The following CD2AP variants were observed in gnomAD, a reference collection of about 807,000 sequenced individuals.
CD2AP encodes CD2-associated protein.
CD2AP carries 46 observed loss-of-function variants against 85.1 expected under a neutral mutation model. The ratio of observed to expected loss-of-function variants is 0.54; its 90% CI spans 0.43 to 0.69. CD2AP has a LOEUF of 0.69. Among genes scored for constraint, CD2AP ranks in the 30% least tolerant of loss-of-function variants. The pLI is 0.00. For synonymous variants in CD2AP, 255 were observed against 252.9 expected (o/e 1.01, Z -0.08); for missense variants, 769 against 729.5 (o/e 1.05, Z -0.62).
In CD2AP at chr6:47,544,651, A is replaced by G. The variant is rs1767318901; in HGVS notation, c.365A>G (p.Gln122Arg). The G allele has an allele frequency of 1.2e-6, 2 of 1,613,208 alleles. No individual in the cohort carries two copies. Among genetic ancestry groups the G allele is most frequent in the South Asian group, 1.1e-5 (1 of 91,058 alleles). Residue 122 changes from glutamine to arginine, a missense_variant, in exon 4 of 18, where the codon CAA (glutamine) becomes CGA (arginine). Coordinates refer to ENST00000359314, the MANE Select transcript of CD2AP (RefSeq NM_012120.3). ...QCKVLFEYIP[Q>R]NEDELELKVG... ...AAAGTTCTTTTTGAGTACATTCCAC[A>G]AAATGAGGATGAACTGGAGCTGAAA...
chr6:47,563,720 A>G (rs146178141), intron 5 of CD2AP, among the ~76,000 whole-genome samples: 5 of 152,278 alleles, frequency 3.3e-5, no homozygotes, highest in Admixed American at 2.6e-4. Flanking sequence ...TGTAAGTGCT[A>G]CATACTATAC....
At chr6:47,484,610 G>T (rs541170080) in intron 1 of CD2AP, among the ~76,000 whole-genome samples, 13 of 152,106 alleles carry the variant, frequency 8.5e-5, no homozygotes, top group Non-Finnish European at 1.6e-4. Flanking sequence ...CCTAGAACCT[G>T]TCCTTTCCAG....
intron 6 of CD2AP, 111 bp downstream of exon 6, chr6:47,574,362 A>G (rs999358581): frequency 2.9e-5 from 29 of 1,012,588 alleles, no homozygotes; most frequent in Non-Finnish European, 3.9e-5. Context: ...TCAGATCACT[A>G]ATAATTTGGT....
chr6:47,491,257 ATATGTGTGTGTG>A (rs750933489), intron 1 of CD2AP, among the ~76,000 whole-genome samples: 3,205 of 130,758 alleles, frequency 0.025, 44 homozygotes, highest in Non-Finnish European at 0.035. Flanking sequence ...TTTCTTCCTG[ATATGTGTGTGTG>A]TATGTGTGTG....
At chr6:47,586,046 A>G (rs559047057) in intron 11 of CD2AP, among the ~76,000 whole-genome samples, 10 of 152,338 alleles carry the variant, frequency 6.6e-5, no homozygotes, top group African/African-American at 2.4e-4. Flanking sequence ...TAGAAAGAGC[A>G]AGAAAATAGC....
At chr6:47,624,107 C>A in intron 17 of CD2AP, 79 bp from the exon 18 acceptor site, 1 of 1,122,776 alleles carries the variant, frequency 8.9e-7, no homozygotes, top group Non-Finnish European at 1.3e-6. Context: ...AGTATGATCA[C>A]ATCTTAATGA....
chr6:47,505,791 G>A (rs1260429467), intron 2 of CD2AP, among the ~76,000 whole-genome samples: 9 of 101,298 alleles, frequency 8.9e-5, no homozygotes, highest in Non-Finnish European at 2.2e-5. Context: ...GCGGCTGGCC[G>A]GGCGGGGGGC....
chr6:47,569,229 A>T (rs1768082593), intron 5 of CD2AP, among the ~76,000 whole-genome samples: 1 of 152,128 alleles, frequency 6.6e-6, no homozygotes, highest in African/African-American at 2.4e-5. Flanking sequence ...CAAGTAGGAG[A>T]GCAGTTGAAG....
At chr6:47,600,225 A>G (rs1350714438) in intron 13 of CD2AP, among the ~76,000 whole-genome samples, 1 of 151,922 alleles carries the variant, frequency 6.6e-6, no homozygotes, top group Non-Finnish European at 1.5e-5. Flanking sequence ...AAAGTAAGCT[A>G]CAGACACATT....
At chr6:47,624,043 T>C in intron 17 of CD2AP, 143 bp from the exon 18 acceptor site, 3 of 697,116 alleles carry the variant, frequency 4.3e-6, no homozygotes, top group Non-Finnish European at 7.5e-6. Flanking sequence ...TTCAACCAAA[T>C]TATAGCATGG....
chr6:47,612,671 A>G (rs1234162438), intron 17 of CD2AP, 135 bp downstream of exon 17: 1 of 671,304 alleles, frequency 1.5e-6, no homozygotes, highest in African/African-American at 1.9e-5. Flanking sequence ...ATGGACTACT[A>G]TTCAGTCACA....
chr6:47,500,170 T>G (rs1554168232), intron 1 of CD2AP, among the ~76,000 whole-genome samples: 2 of 152,238 alleles, frequency 1.3e-5, no homozygotes, highest in Non-Finnish European at 2.9e-5. Context: ...CTATTTTTTA[T>G]TTTTTTGTAG....
At chr6:47,572,430 A>G (rs566956128) in intron 5 of CD2AP, among the ~76,000 whole-genome samples, 2 of 152,220 alleles carry the variant, frequency 1.3e-5, no homozygotes, top group South Asian at 4.1e-4. Flanking sequence ...TGTTAAAAAT[A>G]TATTACAAAA....
rs550810602 is a variant in CD2AP at position 47,478,236 on chromosome 6, G to T, written c.-9G>T. 8.3e-6 allele frequency: 13 copies of T among 1,571,308 alleles called. No individual in the cohort carries two copies. The highest frequency in any genetic ancestry group is 1.7e-4 in the Middle Eastern group (1 of 5,970). The stretch of plus-strand genomic sequence containing the variant: ...CGGACGTCGGCTTCTCCCCGCGGGA[G>T]CCCCCAGCATGGGTAAGAGACTCGG... On this transcript the variant is annotated 5_prime_UTR_variant, in exon 1 of 18. Coordinates refer to ENST00000359314, the MANE Select transcript of CD2AP (RefSeq NM_012120.3).
rs558332670 is a variant in CD2AP, at chr6:47,494,562, G to A, written c.5-8718G>A. On this transcript the variant is annotated intron_variant, in intron 1 of 17. Coordinates refer to ENST00000359314, the MANE Select transcript of CD2AP (RefSeq NM_012120.3). ...CCTTGGAGTGTAGGCCTTTGTTACA[G>A]AGAATACTCAGGTTGTATTTCGCAG... 2.0e-5 allele frequency among the ~76,000 whole-genome samples: 3 copies of A among 152,228 alleles called. No homozygotes were observed. In the East Asian group the frequency reaches 5.8e-4, roughly 29 times the overall value.
chr6:47,520,494 A>G (rs974522144), intron 2 of CD2AP, among the ~76,000 whole-genome samples: 1 of 152,144 alleles, frequency 6.6e-6, no homozygotes, highest in African/African-American at 2.4e-5. Flanking sequence ...AGTGCTGTCC[A>G]TATGGCCTCC....
At chr6:47,611,931 A>G (rs1322949151) in intron 16 of CD2AP, among the ~76,000 whole-genome samples, 1 of 152,134 alleles carries the variant, frequency 6.6e-6, no homozygotes. Context: ...GGACAACTAT[A>G]TAGAAAGATT....
At chr6:47,586,995 T>C (rs1388175956) in intron 11 of CD2AP, among the ~76,000 whole-genome samples, 1 of 152,192 alleles carries the variant, frequency 6.6e-6, no homozygotes, top group Non-Finnish European at 1.5e-5. Context: ...TCAGGTACCA[T>C]GAATAAGAAA....
chr6:47,485,994 C>A (rs1298619749), intron 1 of CD2AP, among the ~76,000 whole-genome samples: 1 of 152,042 alleles, frequency 6.6e-6, no homozygotes, highest in African/African-American at 2.4e-5. Context: ...AAGATGCATC[C>A]CCATTGTTAA....
Sources: gnomAD v4.1 joint callset for allele counts (sites outside exome capture counted in the v4.1 genomes callset) on GRCh38, gnomAD v4.1.1 for gene constraint, MANE v1.5 for transcripts, NCBI Gene and HGNC (gene_info 2026-07-23, HGNC 2026-07-21) for gene names.